The following RGL1 variants were observed in gnomAD, a reference collection of about 807,000 sequenced individuals.
RGL1 encodes the protein ral guanine nucleotide dissociation stimulator-like 1.
A neutral mutation model predicts 95.2 loss-of-function variants in RGL1; 24 were observed. That is an observed-to-expected ratio of 0.25 (90% CI 0.18 to 0.35). The LOEUF is 0.35. Among genes scored for constraint, RGL1 ranks in the 10% least tolerant of loss-of-function variants. The pLI is 1.00. For missense variants in RGL1, 715 were observed against 936.3 expected (o/e 0.76, Z 3.08); for synonymous variants, 329 against 344.9 (o/e 0.95, Z 0.51).
At chr1:183,794,425 G>T (rs1386403028) in intron 2 of RGL1, among the ~76,000 whole-genome samples, 1 of 152,192 alleles carries the variant, frequency 6.6e-6, no homozygotes, top group East Asian at 1.9e-4. Context: ...ATAGCTAAAA[G>T]ATTATTTGAA....
At chr1:183,729,749 A>G (rs1656519923) in intron 1 of RGL1, among the ~76,000 whole-genome samples, 1 of 152,202 alleles carries the variant, frequency 6.6e-6, no homozygotes, top group South Asian at 2.1e-4. Flanking sequence ...TGAATGTATA[A>G]ATAAAATGTT....
intron 4 of RGL1, among the ~76,000 whole-genome samples, chr1:183,874,020 T>G (rs1279604316): frequency 6.6e-6 from 1 of 152,212 alleles, no homozygotes; most frequent in Admixed American, 6.5e-5. Flanking sequence ...ACTCCCTTCT[T>G]GGACTGTGGG....
chr1:183,826,676 C>G (rs977662443), intron 2 of RGL1, among the ~76,000 whole-genome samples: 1 of 152,148 alleles, frequency 6.6e-6, no homozygotes, highest in Non-Finnish European at 1.5e-5. Context: ...GGGGAAGATA[C>G]TACAGTTCAT....
intron 2 of RGL1, among the ~76,000 whole-genome samples, chr1:183,828,287 A>G (rs1349636254): frequency 6.6e-6 from 1 of 152,210 alleles, no homozygotes; most frequent in East Asian, 1.9e-4. Flanking sequence ...GGTTTCAGTA[A>G]CATGGAACAG....
rs772394747 is a variant in RGL1, at chr1:183,922,291, C to T, written c.2074C>T (p.Pro692Ser). 3.1e-6 allele frequency: 5 copies of T among 1,614,014 alleles called. No homozygotes were observed. Among genetic ancestry groups the T allele is most frequent in the Non-Finnish European group, 3.4e-6 (4 of 1,179,988 alleles). Residue 692 changes from proline to serine, a missense_variant, in exon 17 of 18, where the codon CCC (proline) becomes TCC (serine). Coordinates refer to ENST00000360851, the MANE Select transcript of RGL1 (RefSeq NM_001297671.3). Reference protein sequence around the residue: ...AMLKHNLDSDPAEEYELVQVI... With the variant: ...AMLKHNLDSDSAEEYELVQVI... Reference sequence around the variant, plus strand: ...GCTGAAGCACAATCTGGACTCAGACCCCGCCGAGGAGTACGAGCTGGTGCA... The same window carrying T: ...GCTGAAGCACAATCTGGACTCAGACTCCGCCGAGGAGTACGAGCTGGTGCA...
chr1:183,853,498 C>G (rs988598457), intron 3 of RGL1, among the ~76,000 whole-genome samples: 1 of 152,144 alleles, frequency 6.6e-6, no homozygotes, highest in African/African-American at 2.4e-5. Context: ...GGAGGACATT[C>G]GGGGTTTTTA....
chr1:183,904,736 T>C (rs1005856054), intron 12 of RGL1, 114 bp from the exon 13 acceptor site: 1 of 1,154,548 alleles, frequency 8.7e-7, no homozygotes, highest in Admixed American at 2.7e-5. Context: ...TCCTAGATGG[T>C]TTTCTTCATC....
chr1:183,759,677 C>T (rs888839854), intron 2 of RGL1, among the ~76,000 whole-genome samples: 2 of 152,214 alleles, frequency 1.3e-5, no homozygotes, highest in Non-Finnish European at 2.9e-5. Context: ...GAAGTCTCTC[C>T]AGCTCCAGTT....
intron 2 of RGL1, among the ~76,000 whole-genome samples, chr1:183,838,362 C>T (rs1486711831): frequency 6.6e-6 from 1 of 152,100 alleles, no homozygotes; most frequent in African/African-American, 2.4e-5. Flanking sequence ...ATCTAGGAAA[C>T]CCTACTGAGA....
At chr1:183,835,301 T>C (rs1422148160) in intron 2 of RGL1, among the ~76,000 whole-genome samples, 1 of 152,154 alleles carries the variant, frequency 6.6e-6, no homozygotes, top group Non-Finnish European at 1.5e-5. Flanking sequence ...ATCAATCATA[T>C]TGTCATTCTG....
chr1:183,892,537 C>T (rs1667483920), intron 9 of RGL1, among the ~76,000 whole-genome samples: 2 of 152,304 alleles, frequency 1.3e-5, no homozygotes, highest in South Asian at 2.1e-4. Flanking sequence ...CCAAGCCTGC[C>T]TGCAATTCCA....
At chr1:183,782,717 T>A (rs769964384) in intron 2 of RGL1, among the ~76,000 whole-genome samples, 4 of 152,206 alleles carry the variant, frequency 2.6e-5, no homozygotes, top group Admixed American at 6.5e-5. Context: ...ATGCAGGGAT[T>A]TGGTGAGATT....
intron 2 of RGL1, among the ~76,000 whole-genome samples, chr1:183,811,769 A>T (rs1286502572): frequency 1.3e-5 from 2 of 152,230 alleles, no homozygotes; most frequent in Admixed American, 1.3e-4. Flanking sequence ...AATCCAGGGA[A>T]TACTCAGCTG....
chr1:183,844,667 A>G (rs918436139), intron 2 of RGL1, among the ~76,000 whole-genome samples: 1 of 152,184 alleles, frequency 6.6e-6, no homozygotes. Context: ...TATCTTTTTC[A>G]CTTATTGTTT....
At chr1:183,892,728 A>G (rs949560749) in intron 9 of RGL1, among the ~76,000 whole-genome samples, 4 of 152,210 alleles carry the variant, frequency 2.6e-5, no homozygotes, top group Admixed American at 2.0e-4. Flanking sequence ...TAGAAATATG[A>G]AGGTGACTAA....
At chr1:183,813,634 A>C (rs2102434628) in intron 2 of RGL1, among the ~76,000 whole-genome samples, 1 of 152,376 alleles carries the variant, frequency 6.6e-6, no homozygotes, top group East Asian at 1.9e-4. Flanking sequence ...GTATTTTAGA[A>C]AACAGCAGTT....
intron 14 of RGL1, among the ~76,000 whole-genome samples, chr1:183,909,599 A>G (rs1036980949): frequency 2.6e-5 from 4 of 152,218 alleles, no homozygotes; most frequent in Non-Finnish European, 4.4e-5. Context: ...CATAAAAGGA[A>G]GACAGGGAAA....
At chr1:183,751,789 C>T (rs1228701741) in intron 2 of RGL1, among the ~76,000 whole-genome samples, 2 of 152,152 alleles carry the variant, frequency 1.3e-5, no homozygotes, top group East Asian at 1.9e-4. Context: ...CACAGCTTTC[C>T]TTGGCTAGGG....
At chr1:183,850,881 A>G (rs1664788951) in intron 3 of RGL1, among the ~76,000 whole-genome samples, 1 of 152,188 alleles carries the variant, frequency 6.6e-6, no homozygotes, top group South Asian at 2.1e-4. Context: ...AACCTCTTCT[A>G]TTTATGGGGT....
Sources: gnomAD v4.1 joint callset for allele counts (sites outside exome capture counted in the v4.1 genomes callset) on GRCh38, gnomAD v4.1.1 for gene constraint, MANE v1.5 for transcripts, NCBI Gene and HGNC (gene_info 2026-07-23, HGNC 2026-07-21) for gene names.